Variants in ZBTB20 observed in about 807,000 individuals in gnomAD.
ZBTB20 encodes zinc finger and BTB domain-containing protein 20.
A neutral mutation model predicts 56.9 loss-of-function variants in ZBTB20; 9 were observed. The observed-to-expected ratio is 0.16, with a 90% CI of 0.10 to 0.28. The LOEUF is 0.28. Ranked by LOEUF, ZBTB20 falls within the 10% of genes least tolerant of loss-of-function variation. The probability of loss-of-function intolerance (pLI) is 1.00; values close to 1 mark genes in which losing one functional copy is unlikely to be tolerated. For missense variants in ZBTB20, 655 were observed against 1,003.0 expected (o/e 0.65, Z 4.69); for synonymous variants, 417 against 420.7 (o/e 0.99, Z 0.11).
intron 5 of ZBTB20, among the ~76,000 whole-genome samples, chr3:114,767,677 G>A (rs1038294998): frequency 1.3e-5 from 2 of 151,960 alleles, no homozygotes; most frequent in African/African-American, 4.8e-5. Context: ...AGCCATTATA[G>A]AGGTATTTTC....
rs201760170 is a variant in ZBTB20, at chr3:114,747,638, G to A, written c.-343+53463C>T. ...CATTTGTTTAAAAAACAAGATTGAG[G>A]CCGGGCGCGGTGGCTCACGCCTGTA... On this transcript the variant is annotated intron_variant, in intron 5 of 11. Coordinates refer to ENST00000675478, the MANE Select transcript of ZBTB20 (RefSeq NM_001348800.3). 1.4e-3 allele frequency among the ~76,000 whole-genome samples: 3 copies of A among 2,208 alleles called. 1 individual carries two copies. The highest frequency in any genetic ancestry group is 1.4e-3 in the African/African-American group (3 of 2,174). The allele number at this position is 2,208 out of a possible 152,430, so 1.4% of individuals were successfully genotyped here.
At position 114,907,917 on chromosome 3, in the gene ZBTB20, A is replaced by T. The variant is rs2075381541; in HGVS notation, c.-455-7575T>A. 2.0e-5 allele frequency among the ~76,000 whole-genome samples: 3 copies of T among 152,038 alleles called. No individual in the cohort carries two copies. In the South Asian group the frequency reaches 6.2e-4, roughly 32 times the overall value. ...ACAATTATCTGCGCTAAGGAATTAAAATAAAGCAGGGAAAGGGAAAAGTAA... is the reference window on the plus strand; with the variant it reads ...ACAATTATCTGCGCTAAGGAATTAATATAAAGCAGGGAAAGGGAAAAGTAA... On this transcript the variant is annotated intron_variant, in intron 3 of 11. Transcript: ENST00000675478.
chr3:115,054,509 T>C (rs925054252), intron 2 of ZBTB20, among the ~76,000 whole-genome samples: 3 of 152,098 alleles, frequency 2.0e-5, no homozygotes, highest in African/African-American at 7.2e-5. Context: ...ACTCAAATCT[T>C]TTCCCCGTCA....
At chr3:114,475,675 T>C (rs1376813626) in intron 7 of ZBTB20, among the ~76,000 whole-genome samples, 1 of 152,158 alleles carries the variant, frequency 6.6e-6, no homozygotes, top group Non-Finnish European at 1.5e-5. Flanking sequence ...GAACTAAAGA[T>C]ATAGCAGTCA....
chr3:114,438,265 G>A (rs2090657060), intron 7 of ZBTB20, among the ~76,000 whole-genome samples: 1 of 151,974 alleles, frequency 6.6e-6, no homozygotes, highest in South Asian at 2.1e-4. Flanking sequence ...TCACATGATG[G>A]TTGGGAGGTA....
At chr3:114,498,153 G>A (rs952629781) in intron 7 of ZBTB20, among the ~76,000 whole-genome samples, 5 of 152,172 alleles carry the variant, frequency 3.3e-5, no homozygotes, top group African/African-American at 1.2e-4. Context: ...TAAGAACCAA[G>A]TTTCCCAAAT....
chr3:115,122,095 C>A (rs2084198680), intron 1 of ZBTB20, among the ~76,000 whole-genome samples: 1 of 151,986 alleles, frequency 6.6e-6, no homozygotes, highest in Non-Finnish European at 1.5e-5. Flanking sequence ...CTATGAGAAG[C>A]AGGCAATGAG....
chr3:114,363,739 C>T (rs2082113778), intron 10 of ZBTB20, among the ~76,000 whole-genome samples: 1 of 152,144 alleles, frequency 6.6e-6, no homozygotes, highest in Non-Finnish European at 1.5e-5. Flanking sequence ...ATGACTTGTT[C>T]CTGCTGGAAG....
At chr3:114,770,542 T>C (rs887551573) in intron 5 of ZBTB20, among the ~76,000 whole-genome samples, 5 of 151,982 alleles carry the variant, frequency 3.3e-5, no homozygotes, top group Middle Eastern at 3.2e-3. Context: ...CATGTAGTAA[T>C]ATATGATAAG....
At chr3:114,740,863 C>T (rs1431464337) in intron 5 of ZBTB20, among the ~76,000 whole-genome samples, 1 of 152,164 alleles carries the variant, frequency 6.6e-6, no homozygotes, top group East Asian at 1.9e-4. Context: ...GAAGAAGGAA[C>T]TGAGTACTGT....
intron 3 of ZBTB20, among the ~76,000 whole-genome samples, chr3:114,967,695 G>A (rs1049540618): frequency 8.6e-5 from 11 of 128,584 alleles, no homozygotes; most frequent in African/African-American, 3.3e-4. Flanking sequence ...AGTGGCTCAC[G>A]CCTGTAATCT....
chr3:114,920,054 G>T (rs1018553560), intron 3 of ZBTB20, among the ~76,000 whole-genome samples: 1 of 151,930 alleles, frequency 6.6e-6, no homozygotes, highest in Admixed American at 6.6e-5. Context: ...ATAATAAAGT[G>T]GTCAATTCAT....
chr3:114,640,704 G>A (rs1314503058), intron 6 of ZBTB20, among the ~76,000 whole-genome samples: 1 of 152,040 alleles, frequency 6.6e-6, no homozygotes, highest in African/African-American at 2.4e-5. Flanking sequence ...ACCATTTACA[G>A]TGATAATCAT....
intron 7 of ZBTB20, among the ~76,000 whole-genome samples, chr3:114,455,069 G>C (rs1009653024): frequency 8.0e-5 from 12 of 150,088 alleles, no homozygotes; most frequent in African/African-American, 2.7e-4. Context: ...GGGAGAGAGA[G>C]AGAGAGAGGG....
intron 7 of ZBTB20, among the ~76,000 whole-genome samples, chr3:114,470,496 G>A (rs902629627): frequency 1.2e-4 from 18 of 151,994 alleles, no homozygotes; most frequent in Admixed American, 1.2e-3. Context: ...AGAGAAACCT[G>A]GCTCTCAATT....
At chr3:114,575,734 G>T (rs2053945707) in intron 6 of ZBTB20, among the ~76,000 whole-genome samples, 1 of 152,068 alleles carries the variant, frequency 6.6e-6, no homozygotes, top group South Asian at 2.1e-4. Flanking sequence ...CACTGTATTT[G>T]CCAAATGAAA....
At chr3:115,134,792 C>T (rs139174464) in intron 1 of ZBTB20, among the ~76,000 whole-genome samples, 27 of 152,222 alleles carry the variant, frequency 1.8e-4, no homozygotes, top group African/African-American at 5.8e-4. Flanking sequence ...TGCTATTTTT[C>T]GCTAACTCAC....
intron 5 of ZBTB20, among the ~76,000 whole-genome samples, chr3:114,758,549 A>G (rs1400885089): frequency 2.0e-5 from 3 of 152,200 alleles, no homozygotes; most frequent in Admixed American, 6.6e-5. Flanking sequence ...ACGTGTCATA[A>G]TCAACAATGT....
At chr3:114,398,284 T>C (rs1309721671) in intron 7 of ZBTB20, among the ~76,000 whole-genome samples, 2 of 152,166 alleles carry the variant, frequency 1.3e-5, no homozygotes, top group East Asian at 1.9e-4. Flanking sequence ...AGGAACCTTG[T>C]TTTATACACT....
Sources: gnomAD v4.1 joint callset for allele counts (sites outside exome capture counted in the v4.1 genomes callset) on GRCh38, gnomAD v4.1.1 for gene constraint, MANE v1.5 for transcripts, NCBI Gene and HGNC (gene_info 2026-07-23, HGNC 2026-07-21) for gene names.